Variants in PPFIA2 observed in about 807,000 individuals in gnomAD.
PPFIA2 encodes the protein PPFI scaffold protein A2.
In PPFIA2, 46 loss-of-function variants were observed where a neutral mutation model predicts 175.5. That is an observed-to-expected ratio of 0.26 (90% CI 0.21 to 0.34). The LOEUF is 0.34. PPFIA2 is among the 10% of genes least tolerant of loss of function. PPFIA2 has a pLI of 1.00. For missense variants in PPFIA2, 1,179 were observed against 1,506.1 expected (o/e 0.78, Z 3.60); for synonymous variants, 568 against 511.4 (o/e 1.11, Z -1.49).
rs114027980 is a variant in PPFIA2, at chr12:81,699,619, T to C, written c.250-22775A>G. On this transcript the variant is annotated intron_variant, in intron 3 of 32. Transcript: ENST00000549396. ...TTAGGTTAGTTAAGTATAATCTAAA[T>C]GAAAGAAAAAACAAATTATTGCATT... Among the ~76,000 whole-genome samples, 813 of 152,028 alleles carry C rather than the reference T, an allele frequency of 5.3e-3. 7 individuals carry two copies. Among genetic ancestry groups the C allele is most frequent in the African/African-American group, 0.019 (775 of 41,558 alleles).
intron 3 of PPFIA2, among the ~76,000 whole-genome samples, chr12:81,715,744 C>T (rs370430114): frequency 3.7e-4 from 56 of 151,810 alleles, no homozygotes; most frequent in Middle Eastern, 3.4e-3. Flanking sequence ...CGTACAATCA[C>T]GATAAAAGTA....
In PPFIA2 at chr12:81,275,288, C is replaced by T. The variant is rs189849806; in HGVS notation, c.3310+2029G>A. ...ATAATGGAAAAGCACTTTCGTGCTT[C>T]GAAGTAATGCATCAAATGAAGTGTT... On this transcript the variant is annotated intron_variant, in intron 28 of 32. Transcript: ENST00000549396. 4.0e-3 allele frequency among the ~76,000 whole-genome samples: 611 copies of T among 152,274 alleles called. 3 individuals are homozygous for T. Among genetic ancestry groups the T allele is most frequent in the Non-Finnish European group, 7.1e-3 (485 of 68,016 alleles).
At chr12:81,356,120 A>G (rs180902997) in intron 16 of PPFIA2, among the ~76,000 whole-genome samples, 30 of 152,236 alleles carry the variant, frequency 2.0e-4, no homozygotes, top group African/African-American at 7.0e-4. Flanking sequence ...TGAACACTTA[A>G]GGCTATTGTA....
intron 3 of PPFIA2, among the ~76,000 whole-genome samples, chr12:81,713,496 C>G (rs1268021056): frequency 6.6e-6 from 1 of 151,130 alleles, no homozygotes; most frequent in Admixed American, 6.7e-5. Context: ...TGCTTTAGTA[C>G]CTTTAATTAA....
intron 4 of PPFIA2, among the ~76,000 whole-genome samples, chr12:81,572,829 TTG>T (rs139086016): frequency 2.0e-5 from 3 of 151,544 alleles, no homozygotes; most frequent in African/African-American, 7.2e-5. Flanking sequence ...AGTTGTGTGT[TTG>T]TGTGTGTGTG....
intron 4 of PPFIA2, among the ~76,000 whole-genome samples, chr12:81,568,649 G>A (rs1254040619): frequency 6.6e-6 from 1 of 152,170 alleles, no homozygotes; most frequent in African/African-American, 2.4e-5. Context: ...ATACAAGGGA[G>A]TGTCTTGTCT....
chr12:81,684,039 C>G (rs2095268335), intron 3 of PPFIA2, among the ~76,000 whole-genome samples: 1 of 152,122 alleles, frequency 6.6e-6, no homozygotes, highest in Non-Finnish European at 1.5e-5. Context: ...ATGACCCAAA[C>G]ACCTCATAGT....
At chr12:81,734,714 T>G (rs1455132222) in intron 3 of PPFIA2, among the ~76,000 whole-genome samples, 1 of 151,816 alleles carries the variant, frequency 6.6e-6, no homozygotes, top group African/African-American at 2.4e-5. Context: ...ACAAAATTCC[T>G]TTGTGTTTAG....
intron 4 of PPFIA2, among the ~76,000 whole-genome samples, chr12:81,602,449 T>G (rs1241898327): frequency 6.7e-6 from 1 of 148,160 alleles, no homozygotes; most frequent in South Asian, 2.1e-4. Context: ...AAAAAGGTTG[T>G]GTTGTTGTTA....
At chr12:81,733,489 T>A (rs865872540) in intron 3 of PPFIA2, among the ~76,000 whole-genome samples, 1 of 151,562 alleles carries the variant, frequency 6.6e-6, no homozygotes, top group Non-Finnish European at 1.5e-5. Context: ...CAATAAAAAA[T>A]AATAAAATAA....
intron 4 of PPFIA2, among the ~76,000 whole-genome samples, chr12:81,667,503 C>A (rs907322247): frequency 1.3e-5 from 2 of 151,996 alleles, no homozygotes; most frequent in African/African-American, 4.8e-5. Flanking sequence ...TTACTCCTCC[C>A]CATCATTAAT....
At chr12:81,625,560 A>G (rs532817649) in intron 4 of PPFIA2, among the ~76,000 whole-genome samples, 1 of 151,948 alleles carries the variant, frequency 6.6e-6, no homozygotes, top group South Asian at 2.1e-4. Context: ...AGTATCTATT[A>G]TGTGTCACTA....
At chr12:81,360,611 G>C (rs763580280) in intron 15 of PPFIA2, among the ~76,000 whole-genome samples, 2 of 151,602 alleles carry the variant, frequency 1.3e-5, no homozygotes, top group Non-Finnish European at 3.0e-5. Context: ...ACTCACCTTA[G>C]CTTATCTCTC....
intron 21 of PPFIA2, among the ~76,000 whole-genome samples, chr12:81,326,242 C>T (rs1373194428): frequency 2.0e-5 from 3 of 151,946 alleles, no homozygotes; most frequent in Non-Finnish European, 4.4e-5. Flanking sequence ...TTTATTTTTT[C>T]AACACGTTAA....
chr12:81,456,546 G>A (rs2053599559), intron 5 of PPFIA2, among the ~76,000 whole-genome samples: 1 of 152,146 alleles, frequency 6.6e-6, no homozygotes, highest in African/African-American at 2.4e-5. Context: ...CTCATAAAGT[G>A]AATAGGCCAT....
At chr12:81,674,318 C>T (rs2072020939) in intron 4 of PPFIA2, among the ~76,000 whole-genome samples, 1 of 151,984 alleles carries the variant, frequency 6.6e-6, no homozygotes. Flanking sequence ...CCAATGAAAA[C>T]ATCATCATAG....
At chr12:81,474,611 T>G (rs191459844) in intron 4 of PPFIA2, among the ~76,000 whole-genome samples, 1 of 152,266 alleles carries the variant, frequency 6.6e-6, no homozygotes, top group Non-Finnish European at 1.5e-5. Flanking sequence ...AGTTTAAAAT[T>G]TTTCTTTTAA....
At chr12:81,661,614 C>T (rs2153548120) in intron 4 of PPFIA2, among the ~76,000 whole-genome samples, 1 of 152,120 alleles carries the variant, frequency 6.6e-6, no homozygotes, top group East Asian at 1.9e-4. Context: ...ACTTTAACAC[C>T]CCACTGTCAA....
intron 3 of PPFIA2, among the ~76,000 whole-genome samples, chr12:81,743,818 T>G (rs1170339939): frequency 1.3e-5 from 2 of 152,196 alleles, no homozygotes; most frequent in Non-Finnish European, 2.9e-5. Flanking sequence ...TTTGCCATTA[T>G]ATATTCCTAG....
Sources: allele counts gnomAD v4.1 joint callset (sites outside exome capture counted in the v4.1 genomes callset), GRCh38; gene constraint gnomAD v4.1.1; transcripts MANE v1.5; gene names NCBI Gene and HGNC (gene_info 2026-07-23, HGNC 2026-07-21).